Variants in GUCY1A2 observed in about 807,000 individuals in gnomAD.
GUCY1A2 encodes the protein guanylate cyclase 1 soluble subunit alpha 2.
GUCY1A2 carries 27 observed loss-of-function variants against 63.5 expected under a neutral mutation model. The observed-to-expected ratio is 0.43, with a 90% confidence interval of 0.31 to 0.59. GUCY1A2 has a LOEUF of 0.59. GUCY1A2 is among the 20% of genes least tolerant of loss of function. GUCY1A2 has a pLI of 0.11. For missense variants in GUCY1A2, 768 were observed against 913.3 expected, an observed-to-expected ratio of 0.84 and a Z score of 2.05; for synonymous variants, 364 against 343.5, an observed-to-expected ratio of 1.06 and a Z score of -0.66.
chr11:107,012,680 G>A (rs1170527182), intron 1 of GUCY1A2, among the ~76,000 whole-genome samples: 1 of 152,084 alleles, frequency 6.6e-6, no homozygotes, highest in Non-Finnish European at 1.5e-5. Context: ...GGTAAAGAAA[G>A]GCAATAGATT....
rs1860698928 is a variant in GUCY1A2 at position 106,937,768 on chromosome 11, T to C, written c.1206+1692A>G. On this transcript the variant is annotated intron_variant, in intron 4 of 7. Transcript: ENST00000526355. ...AATTTGTATTTAAAACATCATATGA[T>C]CAAATAATACTAATTCATTCAGACT... Among the ~76,000 whole-genome samples the C allele has an allele frequency of 3.3e-5, 5 of 152,198 alleles. No individual in the cohort carries two copies. The South Asian group carries it at 1.0e-3, about 31-fold the overall frequency.
chr11:107,017,827 TGGCCCCGGCAGTGGCAGCGGC>T lies in GUCY1A2; in HGVS notation c.208_228del (p.Ala70_Ala76del). 7.7e-7 allele frequency: 1 copy of T among 1,306,002 alleles called. No individual in the cohort carries two copies. Among genetic ancestry groups the T allele is most frequent in the South Asian group, 2.9e-5 (1 of 34,796 alleles). 80.9% of individuals were successfully genotyped at this position (1,306,002 alleles called of 1,614,324 possible). ...ACCCGCCTCCGGCGCTGCACCCTCCTGGCCCCGGCAGTGGCAGCGGCGGCGGCGGCAGAAGCAGCCGGGGTC... is the reference window on the plus strand; with the variant it reads ...ACCCGCCTCCGGCGCTGCACCCTCCTGGCGGCGGCAGAAGCAGCCGGGGTC... On this transcript the variant is annotated inframe_deletion, in exon 1 of 8. Transcript: ENST00000526355.
chr11:106,926,707 A>T (rs1418338560), intron 4 of GUCY1A2, among the ~76,000 whole-genome samples: 1 of 151,976 alleles, frequency 6.6e-6, no homozygotes, highest in East Asian at 2.0e-4. Context: ...GCAGCCCCAT[A>T]AACCGAGTAT....
chr11:106,768,520 C>T (rs1432116305), intron 6 of GUCY1A2, among the ~76,000 whole-genome samples: 2 of 151,958 alleles, frequency 1.3e-5, no homozygotes, highest in African/African-American at 4.8e-5. Flanking sequence ...AATGTATACA[C>T]AGTATATATA....
intron 4 of GUCY1A2, among the ~76,000 whole-genome samples, chr11:106,913,449 A>T (rs1239630533): frequency 6.6e-6 from 1 of 152,068 alleles, no homozygotes; most frequent in Non-Finnish European, 1.5e-5. Flanking sequence ...ACAACCAGTT[A>T]TTATGGGAAC....
intron 6 of GUCY1A2, among the ~76,000 whole-genome samples, chr11:106,728,432 C>G (rs944784517): frequency 6.6e-6 from 1 of 152,112 alleles, no homozygotes; most frequent in Non-Finnish European, 1.5e-5. Context: ...GAGAAGACAC[C>G]TCTTTGGAAC....
At chr11:106,956,909 G>C (rs189376650) in intron 3 of GUCY1A2, among the ~76,000 whole-genome samples, 1 of 152,190 alleles carries the variant, frequency 6.6e-6, no homozygotes, top group African/African-American at 2.4e-5. Flanking sequence ...GGTCCCCAGA[G>C]ACTGTGGCCA....
At chr11:106,849,373 T>G (rs1363887355) in intron 4 of GUCY1A2, among the ~76,000 whole-genome samples, 1 of 149,924 alleles carries the variant, frequency 6.7e-6, no homozygotes, top group East Asian at 1.9e-4. Flanking sequence ...TATATAAACA[T>G]ATATATTTAA....
chr11:106,954,261 A>C (rs1391036022), intron 3 of GUCY1A2, among the ~76,000 whole-genome samples: 1 of 152,030 alleles, frequency 6.6e-6, no homozygotes, highest in Non-Finnish European at 1.5e-5. Flanking sequence ...CTTTAATTTC[A>C]TTATTTACCC....
chr11:106,753,931 TG>T (rs1565278751), intron 6 of GUCY1A2, among the ~76,000 whole-genome samples: 2 of 152,208 alleles, frequency 1.3e-5, no homozygotes, highest in African/African-American at 4.8e-5. Flanking sequence ...ATTGAATCTA[TG>T]AATTACTTTG....
intron 3 of GUCY1A2, among the ~76,000 whole-genome samples, chr11:106,970,112 TGAAAG>T (rs1482964397): frequency 6.6e-6 from 1 of 152,140 alleles, no homozygotes; most frequent in East Asian, 1.9e-4. Flanking sequence ...TTGATAGTGT[TGAAAG>T]GAATCTTAAC....
intron 1 of GUCY1A2, among the ~76,000 whole-genome samples, chr11:106,994,575 A>C (rs998578292): frequency 6.6e-6 from 1 of 152,122 alleles, no homozygotes; most frequent in South Asian, 2.1e-4. Context: ...TTTCCATCCT[A>C]TTAGATACTC....
chr11:106,816,121 A>G (rs1314035821), intron 4 of GUCY1A2, among the ~76,000 whole-genome samples: 1 of 150,570 alleles, frequency 6.6e-6, no homozygotes, highest in Non-Finnish European at 1.5e-5. Flanking sequence ...TCTAATTAAT[A>G]TCTAAAATAA....
At chr11:106,894,792 C>T (rs1035263672) in intron 4 of GUCY1A2, among the ~76,000 whole-genome samples, 2 of 151,840 alleles carry the variant, frequency 1.3e-5, no homozygotes, top group Admixed American at 1.3e-4. Flanking sequence ...CCACTGAATG[C>T]ATATATAAGG....
At chr11:106,965,847 G>T (rs1861120049) in intron 3 of GUCY1A2, among the ~76,000 whole-genome samples, 1 of 151,512 alleles carries the variant, frequency 6.6e-6, no homozygotes, top group African/African-American at 2.4e-5. Context: ...TAAATCCAGA[G>T]TAGCAAATGC....
At chr11:106,798,069 T>C (rs1193295955) in intron 5 of GUCY1A2, among the ~76,000 whole-genome samples, 1 of 151,352 alleles carries the variant, frequency 6.6e-6, no homozygotes, top group Non-Finnish European at 1.5e-5. Flanking sequence ...GACGCAATAA[T>C]GATAAAGGGG....
rs1862523948 is a variant in GUCY1A2 at position 106,686,227 on chromosome 11, G to T, written c.*1322C>A. ...TGTGAGCCAGTAATATTTTCATGCA[G>T]TATTGATTAATGAGAACAGGTCTTC... is the stretch of plus-strand genomic sequence containing the variant. On this transcript the variant is annotated 3_prime_UTR_variant, in exon 8 of 8. Transcript: ENST00000526355. 1 of 217,562 alleles carries T rather than the reference G, an allele frequency of 4.6e-6. No homozygotes were observed. Among genetic ancestry groups the T allele is most frequent in the Admixed American group, 5.8e-5 (1 of 17,224 alleles). 13.5% of individuals were successfully genotyped at this position (217,562 alleles called of 1,614,324 possible). A position where few individuals can be genotyped will look rare whatever the true frequency, so the allele number is the denominator to read the frequency against.
At chr11:106,696,360 T>A (rs981318482) in intron 7 of GUCY1A2, among the ~76,000 whole-genome samples, 14 of 152,226 alleles carry the variant, frequency 9.2e-5, no homozygotes, top group African/African-American at 2.7e-4. Flanking sequence ...TAACCAGTTC[T>A]TGTAAGTTAA....
chr11:106,758,037 G>T (rs1243969338), intron 6 of GUCY1A2, among the ~76,000 whole-genome samples: 2 of 152,212 alleles, frequency 1.3e-5, no homozygotes, highest in Admixed American at 1.3e-4. Context: ...CTTTTGTTCA[G>T]ATATGCCCTG....
Sources: gnomAD v4.1 joint callset for allele counts (sites outside exome capture counted in the v4.1 genomes callset) on GRCh38, gnomAD v4.1.1 for gene constraint, MANE v1.5 for transcripts, NCBI Gene and HGNC (gene_info 2026-07-23, HGNC 2026-07-21) for gene names.